ANKFN1: variants seen among roughly 807,000 people sequenced by gnomAD.
ANKFN1 encodes ankyrin repeat and fibronectin type-III domain-containing protein 1.
In ANKFN1, 74 loss-of-function variants were observed where a neutral mutation model predicts 108.7. The observed-to-expected ratio is 0.68, with a 90% CI of 0.56 to 0.83. ANKFN1 has a LOEUF of 0.83. Ranked by LOEUF, ANKFN1 falls within the 40% of genes least tolerant of loss-of-function variation. ANKFN1 has a pLI of 0.00. For missense variants in ANKFN1, 1,505 were observed against 1,382.3 expected, an observed-to-expected ratio of 1.09 and a Z score of -1.41; for synonymous variants, 547 against 516.2, an observed-to-expected ratio of 1.06 and a Z score of -0.81.
intron 3 of ANKFN1, among the ~76,000 whole-genome samples, chr17:56,254,920 C>G (rs989872093): frequency 2.6e-5 from 4 of 152,198 alleles, no homozygotes; most frequent in Non-Finnish European, 4.4e-5. Context: ...GAACCCTGCT[C>G]TTTCACCCCT....
intron 3 of ANKFN1, among the ~76,000 whole-genome samples, chr17:56,253,253 CA>C (rs2043278926): frequency 6.6e-6 from 1 of 152,144 alleles, no homozygotes; most frequent in African/African-American, 2.4e-5. Flanking sequence ...TGGTTGGCAT[CA>C]AATCAAAAGA....
At chr17:56,060,897 T>C (rs770543776) in intron 4 of ANKFN1, among the ~76,000 whole-genome samples, 2 of 152,248 alleles carry the variant, frequency 1.3e-5, no homozygotes, top group Non-Finnish European at 2.9e-5. Flanking sequence ...TTTTCTTTTT[T>C]AGTTGTGTCT....
chr17:56,180,031 C>T (rs191233851), intron 1 of ANKFN1, among the ~76,000 whole-genome samples: 13 of 152,242 alleles, frequency 8.5e-5, no homozygotes, highest in African/African-American at 2.9e-4. Context: ...AATAAGTCAA[C>T]AAAGAGAACC....
chr17:56,401,368 A>ATTGTGTTGTGTTGTG lies in ANKFN1; in HGVS notation c.910+26684_910+26698dup, dbSNP rs71139906. Among the ~76,000 whole-genome samples, 25 of 135,646 alleles carry ATTGTGTTGTGTTGTG rather than the reference A, an allele frequency of 1.8e-4. 1 individual carries two copies. The highest frequency in any genetic ancestry group is 2.5e-4 in the Non-Finnish European group (16 of 63,280). The allele number at this position is 135,646 out of a possible 152,430, so 89.0% of individuals were successfully genotyped here. On this transcript the variant is annotated intron_variant, in intron 8 of 20. Transcript: ENST00000682825. ...ATTGTATTGTATTGTATTGTATTGT[A>ATTGTGTTGTGTTGTG]TTGTGTTGTGTTGTGTTGTGTTGTG...
intron 20 of ANKFN1, among the ~76,000 whole-genome samples, chr17:56,509,661 G>A (rs1298181120): frequency 6.6e-6 from 1 of 152,142 alleles, no homozygotes; most frequent in African/African-American, 2.4e-5. Flanking sequence ...ATGGATACTG[G>A]GTAACAACAA....
At chr17:56,282,188 A>G (rs890707752) in intron 3 of ANKFN1, among the ~76,000 whole-genome samples, 4 of 152,202 alleles carry the variant, frequency 2.6e-5, no homozygotes, top group African/African-American at 9.6e-5. Flanking sequence ...GATGAATTTC[A>G]AAAACATGTT....
intron 3 of ANKFN1, among the ~76,000 whole-genome samples, chr17:56,297,061 T>C (rs1264898031): frequency 1.3e-5 from 2 of 152,178 alleles, no homozygotes; most frequent in Non-Finnish European, 2.9e-5. Flanking sequence ...AGGGACAGTG[T>C]GAGACAATGA....
At chr17:56,270,365 G>C (rs922483475) in intron 3 of ANKFN1, among the ~76,000 whole-genome samples, 7 of 152,196 alleles carry the variant, frequency 4.6e-5, no homozygotes, top group Admixed American at 2.6e-4. Context: ...TGAGGGAAAG[G>C]GTTTTCTCTG....
At chr17:56,162,457 G>A (rs952532746) in intron 1 of ANKFN1, among the ~76,000 whole-genome samples, 7 of 152,128 alleles carry the variant, frequency 4.6e-5, no homozygotes, top group South Asian at 2.1e-4. Context: ...TTGGGTCTTC[G>A]TGTGGTCCTT....
chr17:56,175,611 C>T (rs1220651304), intron 1 of ANKFN1, among the ~76,000 whole-genome samples: 3 of 152,138 alleles, frequency 2.0e-5, no homozygotes, highest in Non-Finnish European at 4.4e-5. Context: ...GTCCAGATCC[C>T]CACCTGCCTT....
chr17:56,246,109 C>T (rs1567861328), intron 3 of ANKFN1, among the ~76,000 whole-genome samples: 1 of 152,150 alleles, frequency 6.6e-6, no homozygotes, highest in Non-Finnish European at 1.5e-5. Context: ...TGCCTCTAAT[C>T]AGATGAGTCA....
At chr17:56,465,008 C>T (rs1034813620) in intron 14 of ANKFN1, among the ~76,000 whole-genome samples, 5 of 152,186 alleles carry the variant, frequency 3.3e-5, no homozygotes, top group African/African-American at 1.2e-4. Context: ...TGTTGTCAAA[C>T]TCTGGGTAGT....
At chr17:56,448,836 A>G (rs1598626949) in intron 10 of ANKFN1, among the ~76,000 whole-genome samples, 1 of 152,164 alleles carries the variant, frequency 6.6e-6, no homozygotes, top group South Asian at 2.1e-4. Context: ...GCTTTCAATT[A>G]CCATTTTCTC....
chr17:56,201,249 C>T (rs1423133547), intron 1 of ANKFN1, among the ~76,000 whole-genome samples: 1 of 152,156 alleles, frequency 6.6e-6, no homozygotes, highest in Non-Finnish European at 1.5e-5. Context: ...ACCATAGTTC[C>T]TCCCACCATC....
At chr17:56,478,331 C>G (rs140323801) in intron 16 of ANKFN1, among the ~76,000 whole-genome samples, 226 of 152,264 alleles carry the variant, frequency 1.5e-3, no homozygotes, top group African/African-American at 5.2e-3. Context: ...TCTAAAACAG[C>G]CATGTTCTTT....
chr17:56,279,886 T>C (rs565328303), intron 3 of ANKFN1, among the ~76,000 whole-genome samples: 2 of 152,308 alleles, frequency 1.3e-5, no homozygotes, highest in East Asian at 3.9e-4. Context: ...AACCAGTGGT[T>C]CCCAAAGTTT....
At chr17:56,217,535 G>A (rs565223428) in intron 2 of ANKFN1, among the ~76,000 whole-genome samples, 1 of 152,250 alleles carries the variant, frequency 6.6e-6, no homozygotes, top group African/African-American at 2.4e-5. Context: ...TGTCACAAAT[G>A]GCGAAGAGGA....
chr17:56,488,973 T>C (rs928753075), intron 18 of ANKFN1, among the ~76,000 whole-genome samples: 2 of 152,252 alleles, frequency 1.3e-5, no homozygotes, highest in Middle Eastern at 3.2e-3. Context: ...TTTATATACA[T>C]TGTATTACTT....
At chr17:56,141,880 T>C (rs955241710) in intron 4 of ANKFN1, among the ~76,000 whole-genome samples, 3 of 151,270 alleles carry the variant, frequency 2.0e-5, no homozygotes. Context: ...CACACATCAG[T>C]GAGTGTGTAA....
Sources: gnomAD v4.1 joint callset for allele counts (sites outside exome capture counted in the v4.1 genomes callset) on GRCh38, gnomAD v4.1.1 for gene constraint, MANE v1.5 for transcripts, NCBI Gene and HGNC (gene_info 2026-07-23, HGNC 2026-07-21) for gene names.